Variants in PRORP observed in about 807,000 individuals in gnomAD.
The protein encoded by PRORP is mitochondrial ribonuclease P catalytic subunit.
In PRORP, 51 loss-of-function variants were observed where a neutral mutation model predicts 59.4. That is an observed-to-expected ratio of 0.86 (90% CI 0.69 to 1.08). The LOEUF is 1.08. Ranked by LOEUF, PRORP falls within the 50% of genes least tolerant of loss-of-function variation. PRORP has a pLI of 0.00. For missense variants in PRORP, 646 were observed against 690.3 expected, an observed-to-expected ratio of 0.94 and a Z score of 0.72; for synonymous variants, 231 against 245.6, an observed-to-expected ratio of 0.94 and a Z score of 0.55.
In PRORP at chr14:35,223,136, A is replaced by T. The variant is rs562608443; in HGVS notation, c.1275+42359A>T. Among the ~76,000 whole-genome samples, 6 of 152,206 alleles carry T rather than the reference A, an allele frequency of 3.9e-5. No homozygotes were observed. In the East Asian group the frequency reaches 9.7e-4, roughly 25 times the overall value. ...ACTTACAGTTTCCTTCTTGTCAGTCATTATAGTCTTGGATAGAAGTTCTCT... is the reference window on the plus strand; with the variant it reads ...ACTTACAGTTTCCTTCTTGTCAGTCTTTATAGTCTTGGATAGAAGTTCTCT... On this transcript the variant is annotated intron_variant, in intron 5 of 7. Transcript: ENST00000534898.
At chr14:35,223,225 CTTT>C (rs11333388) in intron 5 of PRORP, among the ~76,000 whole-genome samples, 15 of 145,444 alleles carry the variant, frequency 1.0e-4, no homozygotes, top group Admixed American at 6.8e-5. Context: ...ATCAGGTGCT[CTTT>C]TTTTTTTTTT....
chr14:35,248,509 G>C (rs190133421), intron 5 of PRORP, among the ~76,000 whole-genome samples: 1 of 152,196 alleles, frequency 6.6e-6, no homozygotes, highest in Non-Finnish European at 1.5e-5. Flanking sequence ...GTTCCAGCAA[G>C]ACAATATGAT....
At chr14:35,173,474 C>T (rs931427181) in intron 4 of PRORP, among the ~76,000 whole-genome samples, 1 of 152,142 alleles carries the variant, frequency 6.6e-6, no homozygotes, top group Non-Finnish European at 1.5e-5. Context: ...CTTCTCCAAG[C>T]ATGTGCAGAT....
intron 4 of PRORP, among the ~76,000 whole-genome samples, chr14:35,152,380 T>C (rs2047780079): frequency 6.6e-6 from 1 of 152,228 alleles, no homozygotes; most frequent in African/African-American, 2.4e-5. Context: ...TTTCCCCACC[T>C]TTCCCCCTTT....
intron 5 of PRORP, chr14:35,263,095 G>C (rs1306779594): frequency 6.7e-6 from 8 of 1,196,762 alleles, no homozygotes; most frequent in Non-Finnish European, 7.2e-6. Flanking sequence ...AGACCTATTT[G>C]TGATGTTTAA....
chr14:35,266,787 A>T lies in PRORP; in HGVS notation c.1336A>T (p.Lys446Ter). Residue 446 changes from lysine to a stop codon, truncating the protein, a stop_gained, in exon 6 of 8, where the codon AAG becomes TAG. Transcript: ENST00000534898. LOFTEE classifies it high-confidence loss of function. ...RNLRLLVLGR[K>*]HMLRRSSQWS... is the part of the protein sequence containing the mutation. ...TCTGCGACTGCTGGTCCTAGGCCGG[A>T]AGCACATGCTAAGACGGAGTTCCCA... The T allele has an allele frequency of 6.2e-7, 1 of 1,614,162 alleles. No homozygotes were observed. The highest frequency in any genetic ancestry group is 8.5e-7 in the Non-Finnish European group (1 of 1,180,030).
At chr14:35,248,011 G>A (rs528137546) in intron 5 of PRORP, among the ~76,000 whole-genome samples, 2 of 152,216 alleles carry the variant, frequency 1.3e-5, no homozygotes, top group Admixed American at 6.5e-5. Flanking sequence ...AGAAGATAGT[G>A]GTGAGCAGGA....
intron 4 of PRORP, among the ~76,000 whole-genome samples, chr14:35,154,387 G>T (rs746380025): frequency 6.6e-5 from 10 of 152,156 alleles, no homozygotes; most frequent in Admixed American, 4.6e-4. Flanking sequence ...ATTCCAAGTT[G>T]TTATGTCTTG....
At chr14:35,226,813 C>A (rs1376163717) in intron 5 of PRORP, among the ~76,000 whole-genome samples, 1 of 152,038 alleles carries the variant, frequency 6.6e-6, no homozygotes, top group Non-Finnish European at 1.5e-5. Context: ...TGGCTCACTG[C>A]AGCCTCAAAC....
At chr14:35,134,391 C>T (rs1471695067) in intron 4 of PRORP, among the ~76,000 whole-genome samples, 1 of 152,160 alleles carries the variant, frequency 6.6e-6, no homozygotes, top group Non-Finnish European at 1.5e-5. Flanking sequence ...CCACCTCTGG[C>T]TGAGGTGGTA....
chr14:35,127,107 C>T (rs2047116874), intron 3 of PRORP, among the ~76,000 whole-genome samples: 1 of 152,022 alleles, frequency 6.6e-6, no homozygotes, highest in Admixed American at 6.6e-5. Flanking sequence ...AAAATGTCAT[C>T]TGAGCTGGGC....
intron 5 of PRORP, among the ~76,000 whole-genome samples, chr14:35,244,931 G>A (rs8014934): frequency 0.01 from 1,558 of 152,272 alleles, 28 homozygotes; most frequent in African/African-American, 0.035. Flanking sequence ...TGAGGAAGGG[G>A]CAAGATTGTC....
In PRORP at chr14:35,233,656, A is replaced by G. The variant is rs760122545; in HGVS notation, c.1276-33071A>G. 6.6e-5 allele frequency among the ~76,000 whole-genome samples: 9 copies of G among 137,116 alleles called. 1 individual carries two copies. Among genetic ancestry groups the G allele is most frequent in the Non-Finnish European group, 9.4e-5 (6 of 63,766 alleles). 90.0% of individuals were successfully genotyped at this position (137,116 alleles called of 152,430 possible). Reference sequence around the variant, plus strand: ...TGCTTCTTTCTTTACCTTCTACAGTATTGAAGGATTTTTTTCCTTTGTCTT... The same window carrying G: ...TGCTTCTTTCTTTACCTTCTACAGTGTTGAAGGATTTTTTTCCTTTGTCTT... On this transcript the variant is annotated intron_variant, in intron 5 of 7. Transcript: ENST00000534898.
At chr14:35,168,480 T>C (rs2048239014) in intron 4 of PRORP, among the ~76,000 whole-genome samples, 1 of 152,220 alleles carries the variant, frequency 6.6e-6, no homozygotes, top group Non-Finnish European at 1.5e-5. Context: ...GTCCCAATAA[T>C]GTCCATAACA....
chr14:35,273,481 G>A lies in PRORP; in HGVS notation c.1667G>A (p.Trp556Ter), dbSNP rs766421670. The A allele has an allele frequency of 6.2e-7, 1 of 1,613,372 alleles. No individual in the cohort carries two copies. Among genetic ancestry groups the A allele is most frequent in the South Asian group, 1.1e-5 (1 of 90,918 alleles). ...DTVVQTTGDS[W>*]HIPYDEDLVE... ...GTGGTGCAAACAACTGGAGACTCGT[G>A]GCACATACCATATGATGAAGACTTG... The change falls in exon 8 of 8, where the codon TGG becomes TAG. Residue 556 changes from tryptophan (W) to a stop codon, truncating the protein, a stop_gained. Transcript: ENST00000534898. LOFTEE classifies it high-confidence loss of function.
chr14:35,191,555 T>G (rs1267154281), intron 5 of PRORP, among the ~76,000 whole-genome samples: 4 of 151,706 alleles, frequency 2.6e-5, no homozygotes, highest in South Asian at 2.1e-4. Context: ...TCAAAAACAT[T>G]AGCTGGATGT....
chr14:35,160,936 G>A (rs552311830), intron 4 of PRORP, among the ~76,000 whole-genome samples: 12 of 152,304 alleles, frequency 7.9e-5, no homozygotes, highest in African/African-American at 2.6e-4. Flanking sequence ...CTTTGAAGGC[G>A]ACAAGCTAAA....
At chr14:35,125,526 T>A (rs994808455) in intron 2 of PRORP, among the ~76,000 whole-genome samples, 3 of 152,228 alleles carry the variant, frequency 2.0e-5, no homozygotes, top group Non-Finnish European at 4.4e-5. Flanking sequence ...TTAGTCATTA[T>A]TTCTTCATTA....
chr14:35,245,468 C>A (rs1343057993), intron 5 of PRORP, among the ~76,000 whole-genome samples: 1 of 151,930 alleles, frequency 6.6e-6, no homozygotes, highest in Non-Finnish European at 1.5e-5. Context: ...CATGGTGAGA[C>A]CCCCATCTCT....
Sources: allele counts gnomAD v4.1 joint callset (sites outside exome capture counted in the v4.1 genomes callset), GRCh38; gene constraint gnomAD v4.1.1; transcripts MANE v1.5; gene names NCBI Gene and HGNC (gene_info 2026-07-23, HGNC 2026-07-21).